DPP10: variants seen among roughly 807,000 people sequenced by gnomAD.
The protein encoded by DPP10 is inactive dipeptidyl peptidase 10.
DPP10 carries 33 observed loss-of-function variants against 120.9 expected under a neutral mutation model. That is an observed-to-expected ratio of 0.27 (90% CI 0.21 to 0.37). The LOEUF (loss-of-function observed/expected upper bound fraction) is 0.37. Ranked by LOEUF, DPP10 falls within the 10% of genes least tolerant of loss-of-function variation. The pLI, the probability that DPP10 is intolerant of heterozygous loss-of-function variation, is 1.00. For synonymous variants in DPP10, 337 were observed against 326.1 expected (o/e 1.03, Z -0.36); for missense variants, 816 against 942.8 (o/e 0.87, Z 1.76).
At position 114,442,742 on chromosome 2, in the gene DPP10, T is replaced by C. The variant is rs1235733613; in HGVS notation, c.-37T>C. ...CTTGATCTCTAGTTCATTCTGGAAC[T>C]CCGCCTGGGATTGTGCACTGTCCAG... On this transcript the variant is annotated 5_prime_UTR_variant, in exon 1 of 26. Transcript: ENST00000410059. 7 of 1,612,216 alleles carry C rather than the reference T, an allele frequency of 4.3e-6. 2 individuals are homozygous for C. The South Asian group carries it at 5.5e-5, about 13-fold the overall frequency.
chr2:114,799,120 A>C (rs1177659812), intron 1 of DPP10, among the ~76,000 whole-genome samples: 1 of 152,122 alleles, frequency 6.6e-6, no homozygotes, highest in African/African-American at 2.4e-5. Context: ...CAAGAGCGAA[A>C]CTCCATCTCA....
chr2:114,448,871 T>C (rs1290141099), intron 1 of DPP10, among the ~76,000 whole-genome samples: 2 of 152,158 alleles, frequency 1.3e-5, no homozygotes, highest in East Asian at 3.8e-4. Context: ...TATATATTTG[T>C]TGGTTATTAA....
chr2:114,779,549 G>C (rs1303749597), intron 1 of DPP10, among the ~76,000 whole-genome samples: 1 of 152,050 alleles, frequency 6.6e-6, no homozygotes, highest in Non-Finnish European at 1.5e-5. Flanking sequence ...TGCTAATTTT[G>C]ATATGGTCTA....
intron 1 of DPP10, among the ~76,000 whole-genome samples, chr2:114,478,743 G>T (rs1680747799): frequency 6.6e-6 from 1 of 152,022 alleles, no homozygotes; most frequent in Non-Finnish European, 1.5e-5. Context: ...TAGGATGCAA[G>T]ATCAGCATGC....
intron 1 of DPP10, chr2:115,064,791 G>T (rs1163717079): frequency 7.7e-7 from 1 of 1,304,270 alleles, no homozygotes; most frequent in African/African-American, 1.5e-5. Context: ...GGGACCAGTA[G>T]ATGGTTCTGA....
At chr2:114,610,738 C>G (rs1044984764) in intron 1 of DPP10, among the ~76,000 whole-genome samples, 1 of 152,220 alleles carries the variant, frequency 6.6e-6, no homozygotes, top group African/African-American at 2.4e-5. Flanking sequence ...AATATTTTCT[C>G]CGGGCTCAGT....
At chr2:114,675,511 G>T (rs927048566) in intron 1 of DPP10, among the ~76,000 whole-genome samples, 1 of 152,106 alleles carries the variant, frequency 6.6e-6, no homozygotes, top group Non-Finnish European at 1.5e-5. Flanking sequence ...CTTCTGCTCA[G>T]TCCTGTCTTC....
chr2:114,556,115 T>C (rs2104906514), intron 1 of DPP10, among the ~76,000 whole-genome samples: 1 of 151,698 alleles, frequency 6.6e-6, no homozygotes, highest in South Asian at 2.1e-4. Context: ...GAGCATCAAC[T>C]TAGGGACAAG....
At chr2:115,039,760 G>T (rs530182180) in intron 1 of DPP10, among the ~76,000 whole-genome samples, 1 of 152,026 alleles carries the variant, frequency 6.6e-6, no homozygotes, top group Non-Finnish European at 1.5e-5. Flanking sequence ...TAATTGTGAC[G>T]CACTCTACCC....
At chr2:115,559,772 A>G (rs1015807087) in intron 5 of DPP10, among the ~76,000 whole-genome samples, 1 of 152,200 alleles carries the variant, frequency 6.6e-6, no homozygotes, top group African/African-American at 2.4e-5. Context: ...TATCTTACAA[A>G]TAACAAGGTC....
At chr2:114,811,942 G>C (rs1004329963) in intron 1 of DPP10, among the ~76,000 whole-genome samples, 3 of 152,182 alleles carry the variant, frequency 2.0e-5, no homozygotes, top group Admixed American at 1.3e-4. Context: ...CGGAGACCTT[G>C]TATCTCTGCT....
At chr2:115,240,617 C>T (rs556195075) in intron 1 of DPP10, among the ~76,000 whole-genome samples, 2 of 152,276 alleles carry the variant, frequency 1.3e-5, no homozygotes, top group South Asian at 4.1e-4. Context: ...TTTTGCTGTG[C>T]AGAAGCTCTT....
chr2:114,869,552 G>A (rs1006732383), intron 1 of DPP10, among the ~76,000 whole-genome samples: 1 of 152,126 alleles, frequency 6.6e-6, no homozygotes, highest in African/African-American at 2.4e-5. Flanking sequence ...GAGGGATCCT[G>A]AAAGGCAGCC....
chr2:115,031,704 T>G (rs1220468402), intron 1 of DPP10, among the ~76,000 whole-genome samples: 2 of 152,200 alleles, frequency 1.3e-5, no homozygotes, highest in Admixed American at 6.5e-5. Flanking sequence ...ACCTTAATTT[T>G]TTTTTAAAAT....
intron 5 of DPP10, among the ~76,000 whole-genome samples, chr2:115,578,540 A>G (rs1324040881): frequency 6.6e-6 from 1 of 152,168 alleles, no homozygotes; most frequent in Non-Finnish European, 1.5e-5. Flanking sequence ...ATTTGCATTC[A>G]GTCCTCAGAC....
At chr2:114,583,492 G>A (rs1171400200) in intron 1 of DPP10, among the ~76,000 whole-genome samples, 2 of 152,192 alleles carry the variant, frequency 1.3e-5, no homozygotes, top group African/African-American at 2.4e-5. Flanking sequence ...ATTAAGCACA[G>A]AATTGAATAT....
chr2:115,422,980 G>C (rs185964780), intron 3 of DPP10, among the ~76,000 whole-genome samples: 1 of 151,994 alleles, frequency 6.6e-6, no homozygotes, highest in South Asian at 2.1e-4. Context: ...TCTCTAAAGC[G>C]TCACTGTCCA....
intron 21 of DPP10, among the ~76,000 whole-genome samples, chr2:115,834,929 CA>C (rs879412654): frequency 1.5e-4 from 23 of 151,548 alleles, no homozygotes; most frequent in Non-Finnish European, 2.8e-4. Context: ...ACTAAAAATA[CA>C]AAAAAAATTA....
At chr2:114,796,081 T>A (rs1430941767) in intron 1 of DPP10, among the ~76,000 whole-genome samples, 2 of 152,204 alleles carry the variant, frequency 1.3e-5, no homozygotes, top group Admixed American at 6.5e-5. Flanking sequence ...CACCTCCTCC[T>A]GAGCAGTTTG....
Sources: allele counts gnomAD v4.1 joint callset (sites outside exome capture counted in the v4.1 genomes callset), GRCh38; gene constraint gnomAD v4.1.1; transcripts MANE v1.5; gene names NCBI Gene and HGNC (gene_info 2026-07-23, HGNC 2026-07-21).